WIZ: variants seen among roughly 807,000 people sequenced by gnomAD.
WIZ encodes the protein WIZ zinc finger.
WIZ carries 25 observed loss-of-function variants against 140.2 expected under a neutral mutation model. The ratio of observed to expected loss-of-function variants is 0.18; its 90% confidence interval spans 0.13 to 0.25. The LOEUF is 0.25. Among genes scored for constraint, WIZ ranks in the 10% least tolerant of loss-of-function variants. The probability of loss-of-function intolerance (pLI) is 1.00; values close to 1 mark genes in which losing one functional copy is unlikely to be tolerated. For missense variants in WIZ, 2,231 were observed against 2,632.6 expected (o/e 0.85, Z 3.34); for synonymous variants, 1,125 against 1,154.3 (o/e 0.97, Z 0.51).
Position 15,440,609 on chromosome 19 carries a change from G to A in WIZ, c.385C>T (p.Leu129Phe). ...ATGCCCTCCCCAGCCTCCTGGACAAGGGGGTGCTCCCAGGGCCCCCGGCCA... is the reference window on the plus strand; with the variant it reads ...ATGCCCTCCCCAGCCTCCTGGACAAAGGGGTGCTCCCAGGGCCCCCGGCCA... Reference protein sequence around the residue: ...PDGRGPWEHPLVQEAGEGILS... With the variant: ...PDGRGPWEHPFVQEAGEGILS... The change falls in exon 4 of 13, where the codon CTT (leucine) becomes TTT (phenylalanine). Residue 129 changes from leucine (L) to phenylalanine (F), a missense_variant. Around this residue, in one of 15 missense-constraint regions of WIZ, gnomAD observed 307 missense variants for 294.1 expected, o/e 1.04. Coordinates refer to ENST00000673675, the MANE Select transcript of WIZ (RefSeq NM_001371589.1). This position sits in a 1 kb window ranked among gnomAD's most constrained non-coding sequence, Gnocchi z 6.2. 6.5e-7 allele frequency: 1 copy of A among 1,535,276 alleles called. No individual in the cohort carries two copies.
chr19:15,427,138 C>T lies in WIZ; in HGVS notation c.4210G>A (p.Gly1404Ser), dbSNP rs761523339. The change falls in exon 9 of 13, where the codon GGC (glycine) becomes AGC (serine). Residue 1404 changes from glycine (G) to serine (S), a missense_variant. By Grantham distance (56) the Gly-to-Ser change is moderately conservative. This residue lies in a region of WIZ where 393 missense variants were observed against 451.7 expected (regional missense o/e 0.87). Transcript: ENST00000673675. The surrounding 1 kb of genome is among the most constrained non-coding windows in gnomAD (Gnocchi z 6.4). Reference protein sequence around the residue: ...PPPTARKMFPGLAAPSLPKKL... With the variant: ...PPPTARKMFPSLAAPSLPKKL... ...TTGGGCAAGGAGGGTGCAGCCAGGCCTGGGAACATCTTTCGGGCCGTAGGA... is the reference window on the plus strand; with the variant it reads ...TTGGGCAAGGAGGGTGCAGCCAGGCTTGGGAACATCTTTCGGGCCGTAGGA... 2 of 1,614,208 alleles carry T rather than the reference C, an allele frequency of 1.2e-6. No homozygotes were observed. The highest frequency in any genetic ancestry group is 1.7e-5 in the Admixed American group (1 of 60,022).
At chr19:15,445,678 T>A (rs1969893344) in intron 2 of WIZ, among the ~76,000 whole-genome samples, 1 of 152,084 alleles carries the variant, frequency 6.6e-6, no homozygotes, top group Non-Finnish European at 1.5e-5. Context: ...TCTTCATCGA[T>A]CCATACAGAC....
At chr19:15,445,821 A>C (rs1472093102) in intron 2 of WIZ, among the ~76,000 whole-genome samples, 2 of 152,128 alleles carry the variant, frequency 1.3e-5, no homozygotes, top group Non-Finnish European at 2.9e-5. Flanking sequence ...ACCCCTGCCC[A>C]GGCAGGGAAG....
rs1052514976 is a variant in WIZ, at chr19:15,427,730, G to A, written c.3815-197C>T. 6.6e-6 allele frequency among the ~76,000 whole-genome samples: 1 copy of A among 152,188 alleles called. No individual in the cohort carries two copies. The highest frequency in any genetic ancestry group is 1.9e-4 in the East Asian group (1 of 5,176). On this transcript the variant is annotated intron_variant, in intron 8 of 12. Coordinates refer to ENST00000673675, the MANE Select transcript of WIZ (RefSeq NM_001371589.1). The surrounding 1 kb of genome is among the most constrained non-coding windows in gnomAD (Gnocchi z 6.4). ...GGCAGGAGTGAGGGGAGGCTCCAGA[G>A]AGCACATGGGCCCTCAGTCCTGGCG... is the stretch of plus-strand genomic sequence containing the variant.
At chr19:15,438,485 TC>T in intron 4 of WIZ, 92 bp downstream of exon 4, 1 of 1,344,610 alleles carries the variant, frequency 7.4e-7, no homozygotes. Context: ...GGCCCCAGTG[TC>T]CCCCTGCTTG....
In WIZ at chr19:15,431,101, C is replaced by T. The variant is rs1336945184; in HGVS notation, c.2822G>A (p.Gly941Glu). The change falls in exon 6 of 13, where the codon GGG becomes GAG. Residue 941 changes from glycine to glutamate, a missense_variant. Gly to Glu is a moderately conservative substitution (Grantham distance 98). Coordinates refer to ENST00000673675, the MANE Select transcript of WIZ (RefSeq NM_001371589.1). ...SLPKKSLPVP[G>E]ALEQVASRLS... ...CCGACTGGCCACCTGCTCCAGGGCC[C>T]CAGGGACAGGCAGGCTCTTCTTAGG... is the stretch of plus-strand genomic sequence containing the variant. 2.0e-6 allele frequency: 3 copies of T among 1,535,802 alleles called. No homozygotes were observed. In the African/African-American group the frequency reaches 4.1e-5, roughly 21 times the overall value.
At chr19:15,446,762 G>A (rs922742556) in intron 2 of WIZ, among the ~76,000 whole-genome samples, 7 of 152,202 alleles carry the variant, frequency 4.6e-5, no homozygotes, top group African/African-American at 1.7e-4. Context: ...ACATAACACC[G>A]GGTCATAACA....
chr19:15,431,163 G>A lies in WIZ; in HGVS notation c.2760C>T (p.Asn920=), dbSNP rs944950059. ...AGCCCAAGTCCATGGCCACCATTGC[G>A]TTTTCCTCAGAACCCAGGCCTGTGG... is the stretch of plus-strand genomic sequence containing the variant. ...AYGDGLGSEE[N]AMVAMDLGSP... The change falls in exon 6 of 13, where the codon AAC becomes AAT. Residue 920 remains asparagine (N), a synonymous_variant. Transcript: ENST00000673675. The A allele has an allele frequency of 1.7e-5, 26 of 1,530,314 alleles. No homozygotes were observed. Among genetic ancestry groups the A allele is most frequent in the Non-Finnish European group, 2.1e-5 (24 of 1,143,374 alleles). The allele number at this position is 1,530,314 out of a possible 1,614,324, so 94.8% of individuals were successfully genotyped here.
intron 12 of WIZ, among the ~76,000 whole-genome samples, chr19:15,423,787 CT>C (rs1968529682): frequency 6.6e-6 from 1 of 152,210 alleles, no homozygotes; most frequent in African/African-American, 2.4e-5. Context: ...CTAAGATCTA[CT>C]TTTTTCTTGA....
At chr19:15,430,718 C>G (rs1375749747) in intron 6 of WIZ, among the ~76,000 whole-genome samples, 3 of 146,500 alleles carry the variant, frequency 2.0e-5, no homozygotes, top group Non-Finnish European at 3.0e-5. Context: ...GCACAGCTAG[C>G]AAAGGCCAGA....
In WIZ at chr19:15,425,660, C is replaced by G; in HGVS notation, c.4475G>C (p.Gly1492Ala). 1 of 1,613,608 alleles carries G rather than the reference C, an allele frequency of 6.2e-7. No individual in the cohort carries two copies. Among genetic ancestry groups the G allele is most frequent in the Non-Finnish European group, 8.5e-7 (1 of 1,179,958 alleles). ...SHARSHLRQMGVTEWSVNGSP... is the reference protein window; with the variant it reads ...SHARSHLRQMAVTEWSVNGSP... ...ACCATTGACGGACCACTCGGTCACA[C>G]CCATCTGCCGCAGGTGTGAGCGCGC... Residue 1492 changes from glycine to alanine, a missense_variant, in exon 10 of 13, where the codon GGT becomes GCT. Transcript: ENST00000673675.
intron 1 of WIZ, 66 bp downstream of exon 1, chr19:15,449,725 CGGCCCGG>C: frequency 6.9e-6 from 1 of 145,504 alleles, no homozygotes; most frequent in Admixed American, 6.8e-5. Flanking sequence ...TGGCCCGGCC[CGGCCCGG>C]GGCCTCCCCC....
At chr19:15,425,142 T>C (rs1968659159) in intron 10 of WIZ, 99 bp downstream of exon 10, 1 of 1,526,272 alleles carries the variant, frequency 6.6e-7, no homozygotes, top group East Asian at 2.4e-5. Context: ...GACCCAGCCA[T>C]GGGGGCCCCA....
chr19:15,423,829 T>C (rs182751942), intron 12 of WIZ, among the ~76,000 whole-genome samples: 1 of 152,368 alleles, frequency 6.6e-6, no homozygotes, highest in Admixed American at 6.5e-5. Flanking sequence ...TTACTTACCA[T>C]GTGCCAGGCA....
Position 15,440,817 on chromosome 19 carries a change from A to G in WIZ, c.279-102T>C. 2 of 1,151,356 alleles carry G rather than the reference A, an allele frequency of 1.7e-6. No individual in the cohort carries two copies. The highest frequency in any genetic ancestry group is 2.8e-5 in the East Asian group (1 of 36,152). The allele number at this position is 1,151,356 out of a possible 1,614,324, so 71.3% of individuals were successfully genotyped here. On this transcript the variant is annotated intron_variant, in intron 3 of 12. Transcript: ENST00000673675. This position sits in a 1 kb window ranked among gnomAD's most constrained non-coding sequence, Gnocchi z 6.2. ...CCAGGCCGTTTGAAGCAGGCCCCGGAGATCCAGCCCGAGGGTGACAGGGGT... is the reference window on the plus strand; with the variant it reads ...CCAGGCCGTTTGAAGCAGGCCCCGGGGATCCAGCCCGAGGGTGACAGGGGT...
rs1475379933 is a variant in WIZ at position 15,428,359 on chromosome 19, G to A, written c.3565C>T (p.Leu1189Phe). The change falls in exon 8 of 13, where the codon CTC (leucine) becomes TTC (phenylalanine). Residue 1189 changes from leucine (L) to phenylalanine (F), a missense_variant. Transcript: ENST00000673675. The surrounding 1 kb of genome is among the most constrained non-coding windows in gnomAD (Gnocchi z 6.4). ...PDAKGSPIDV[L>F]HGLIRRDGVQ... ...CCGTCCCTCCTGATGAGCCCGTGGAGCACGTCTATGGGGGATCCCTTGGCG... is the reference window on the plus strand; with the variant it reads ...CCGTCCCTCCTGATGAGCCCGTGGAACACGTCTATGGGGGATCCCTTGGCG... The A allele has an allele frequency of 6.5e-7, 1 of 1,535,398 alleles. No homozygotes were observed. Among genetic ancestry groups the A allele is most frequent in the Admixed American group, 2.0e-5 (1 of 50,978 alleles).
chr19:15,438,847 G>A lies in WIZ; in HGVS notation c.2147C>T (p.Pro716Leu). 6.8e-7 allele frequency: 1 copy of A among 1,479,892 alleles called. No homozygotes were observed. 91.7% of individuals were successfully genotyped at this position (1,479,892 alleles called of 1,614,324 possible). Residue 716 changes from proline to leucine, a missense_variant, in exon 4 of 13, where the codon CCC becomes CTC. Transcript: ENST00000673675. ...CGCGTCCAGGAGCAGGAAGTCCAGG[G>A]GGTGGGCGCCTGCCAGCCCCAGCTC... ...PEELGLAGAH[P>L]LDFLLLDAPL...
chr19:15,439,414 T>C lies in WIZ; in HGVS notation c.1580A>G (p.Lys527Arg). 6.5e-7 allele frequency: 1 copy of C among 1,527,966 alleles called. No homozygotes were observed. Among genetic ancestry groups the C allele is most frequent in the Non-Finnish European group, 8.8e-7 (1 of 1,141,444 alleles). 94.7% of individuals were successfully genotyped at this position (1,527,966 alleles called of 1,614,324 possible). A position where few individuals can be genotyped will look rare whatever the true frequency, so the allele number is the denominator to read the frequency against. ...CATGGGGGCCAAGGACGGCTCAGCT[T>C]TGCCAAAGTAGTCCACAGCAGTGTC... Reference protein sequence around the residue: ...FPDTAVDYFGKAEPSLAPMWR... With the variant: ...FPDTAVDYFGRAEPSLAPMWR... Residue 527 changes from lysine to arginine, a missense_variant, in exon 4 of 13, where the codon AAA (lysine) becomes AGA (arginine). By Grantham distance (26) the Lys-to-Arg change is conservative. This residue lies in a region of WIZ where 475 missense variants were observed against 520.2 expected (regional missense o/e 0.91). Transcript: ENST00000673675. This position sits in a 1 kb window ranked among gnomAD's most constrained non-coding sequence, Gnocchi z 7.0.
intron 1 of WIZ, 60 bp from the exon 2 acceptor site, chr19:15,448,427 C>T (rs923905971): frequency 3.1e-6 from 4 of 1,299,682 alleles, no homozygotes; most frequent in Non-Finnish European, 4.2e-6. Flanking sequence ...GCCTCAGTTT[C>T]CCATCCCTCA....
Sources: gnomAD v4.1 joint callset for allele counts (sites outside exome capture counted in the v4.1 genomes callset) on GRCh38, gnomAD v4.1.1 for gene constraint, gnomAD v4.1.1 regional missense constraint, Gnocchi (gnomAD v3.1) non-coding constraint, MANE v1.5 for transcripts, NCBI Gene and HGNC (gene_info 2026-07-23, HGNC 2026-07-21) for gene names.